SPSB4: variants seen among roughly 807,000 people sequenced by gnomAD.
The protein encoded by SPSB4 is splA/ryanodine receptor domain and SOCS box containing 4.
SPSB4 carries 21 observed loss-of-function variants against 20.9 expected under a neutral mutation model. That is an observed-to-expected ratio of 1.01 (90% CI 0.71 to 1.45). SPSB4 has a LOEUF of 1.45. Ranked by LOEUF, SPSB4 falls within the 40% of genes most tolerant of loss-of-function variation. SPSB4 has a pLI of 0.00. For missense variants in SPSB4, 399 were observed against 399.2 expected (o/e 1.00, Z 0.00); for synonymous variants, 207 against 183.8 (o/e 1.13, Z -1.02).
intron 1 of SPSB4, among the ~76,000 whole-genome samples, chr3:141,056,708 CT>C (rs1213256666): frequency 1.3e-5 from 2 of 152,284 alleles, no homozygotes; most frequent in Admixed American, 1.3e-4. Flanking sequence ...TTCCCATCTT[CT>C]CCCTTCATGC....
chr3:141,075,567 T>G lies in SPSB4; in HGVS notation c.694+8769T>G, dbSNP rs145709339. 6.1e-3 allele frequency among the ~76,000 whole-genome samples: 922 copies of G among 152,246 alleles called. 13 individuals carry two copies. The highest frequency in any genetic ancestry group is 0.021 in the African/African-American group (879 of 41,530). ...TGTGCATTCAAGCCACCTGGTGACC[T>G]TCTTAAAATGCTGATTCTGACTTAG... On this transcript the variant is annotated intron_variant, in intron 2 of 2. Coordinates refer to ENST00000310546, the MANE Select transcript of SPSB4 (RefSeq NM_080862.3).
At chr3:141,133,800 T>C (rs1268545163) in intron 2 of SPSB4, among the ~76,000 whole-genome samples, 1 of 152,146 alleles carries the variant, frequency 6.6e-6, no homozygotes, top group Non-Finnish European at 1.5e-5. Flanking sequence ...ATTTTAGGAT[T>C]GTTTTCTCTT....
intron 2 of SPSB4, among the ~76,000 whole-genome samples, chr3:141,111,303 T>C (rs4683559): frequency 0.26 from 39,541 of 150,496 alleles, 6,593 homozygotes; most frequent in African/African-American, 0.45. Context: ...CCGCTGGGGA[T>C]GTTATACCAT....
chr3:141,147,372 C>T lies in SPSB4; in HGVS notation c.*103C>T. On this transcript the variant is annotated 3_prime_UTR_variant, in exon 3 of 3. Coordinates refer to ENST00000310546, the MANE Select transcript of SPSB4 (RefSeq NM_080862.3). ...CATAGGGGAAAGGATCTACCCTTCT[C>T]CTGGCTCCCCAGGACACTCAGTTCT... 1 of 1,543,896 alleles carries T rather than the reference C, an allele frequency of 6.5e-7. No homozygotes were observed. Among genetic ancestry groups the T allele is most frequent in the East Asian group, 2.3e-5 (1 of 44,070 alleles).
In SPSB4 at chr3:141,066,402, TG is replaced by T; in HGVS notation, c.300del (p.Trp100CysfsTer15). The T allele has an allele frequency of 6.5e-7, 1 of 1,535,892 alleles. No individual in the cohort carries two copies. Among genetic ancestry groups the T allele is most frequent in the Non-Finnish European group, 8.8e-7 (1 of 1,142,242 alleles). Reference protein sequence around the residue: ...KVGHARGLHAWQINWPARQRG... With the variant: ...KVGHARGLHAXQINWPARQRG... ...GGGCCACGCCCGCGGCCTGCACGCC[TG>T]GCAGATCAACTGGCCGGCTCGGCAG... On this transcript the variant is annotated frameshift_variant, in exon 2 of 3. Coordinates refer to ENST00000310546, the MANE Select transcript of SPSB4 (RefSeq NM_080862.3). LOFTEE classifies it high-confidence loss of function.
intron 2 of SPSB4, among the ~76,000 whole-genome samples, chr3:141,095,925 T>C (rs2107793779): frequency 6.6e-6 from 1 of 152,148 alleles, no homozygotes; most frequent in African/African-American, 2.4e-5. Context: ...TCCTCATCCA[T>C]CCTTCTTACA....
rs550559751 is a variant in SPSB4 at position 141,075,076 on chromosome 3, C to T, written c.694+8278C>T. ...GAACTAAAACCCAGGCCTCCAATCC[C>T]CCTTGAAAATGTTCCCCATCAGAAA... On this transcript the variant is annotated intron_variant, in intron 2 of 2. Transcript: ENST00000310546. 2.0e-5 allele frequency among the ~76,000 whole-genome samples: 3 copies of T among 151,828 alleles called. No individual in the cohort carries two copies. In the South Asian group the frequency reaches 6.2e-4, roughly 32 times the overall value.
intron 2 of SPSB4, among the ~76,000 whole-genome samples, chr3:141,123,166 C>T (rs1938996315): frequency 6.6e-6 from 1 of 152,218 alleles, no homozygotes; most frequent in Non-Finnish European, 1.5e-5. Flanking sequence ...TTGTAATACA[C>T]TGTCATCTTT....
intron 2 of SPSB4, among the ~76,000 whole-genome samples, chr3:141,141,475 C>T (rs560154761): frequency 1.3e-5 from 2 of 152,228 alleles, no homozygotes; most frequent in South Asian, 2.1e-4. Context: ...CTTGGCTCCA[C>T]CCCCCCAGTT....
intron 2 of SPSB4, among the ~76,000 whole-genome samples, chr3:141,078,983 C>G (rs569779798): frequency 2.6e-5 from 4 of 152,150 alleles, no homozygotes; most frequent in Non-Finnish European, 5.9e-5. Flanking sequence ...CATTTGGGGC[C>G]GGGCACGGTG....
intron 2 of SPSB4, among the ~76,000 whole-genome samples, chr3:141,120,621 A>T (rs770236570): frequency 2.0e-5 from 3 of 152,140 alleles, no homozygotes; most frequent in Non-Finnish European, 4.4e-5. Flanking sequence ...TATATTTAGG[A>T]TAGTTAGTTC....
intron 1 of SPSB4, among the ~76,000 whole-genome samples, chr3:141,065,002 A>G (rs1175248529): frequency 6.6e-6 from 1 of 152,216 alleles, no homozygotes; most frequent in African/African-American, 2.4e-5. Context: ...AGAGCCAGAG[A>G]GGAAAACCTG....
chr3:141,077,148 T>C (rs1286242158), intron 2 of SPSB4: 1 of 152,270 alleles, frequency 6.6e-6, no homozygotes, highest in Admixed American at 6.5e-5. Context: ...AAGCAAAGGC[T>C]GTGCCGCTTA....
At chr3:141,143,683 C>G (rs1238393603) in intron 2 of SPSB4, among the ~76,000 whole-genome samples, 2 of 152,250 alleles carry the variant, frequency 1.3e-5, no homozygotes, top group Non-Finnish European at 2.9e-5. Flanking sequence ...ACTCCTGTTT[C>G]TCCTTCCTTG....
At chr3:141,132,012 C>A (rs1261272009) in intron 2 of SPSB4, among the ~76,000 whole-genome samples, 1 of 151,714 alleles carries the variant, frequency 6.6e-6, no homozygotes, top group African/African-American at 2.4e-5. Flanking sequence ...TTCCTAATTT[C>A]AAGTTTTTGG....
At chr3:141,088,628 C>T (rs1044594363) in intron 2 of SPSB4, among the ~76,000 whole-genome samples, 2 of 152,184 alleles carry the variant, frequency 1.3e-5, no homozygotes, top group African/African-American at 4.8e-5. Flanking sequence ...CTCAATGACT[C>T]GGAGACAGGA....
chr3:141,092,402 A>G (rs1380107349), intron 2 of SPSB4, among the ~76,000 whole-genome samples: 1 of 152,232 alleles, frequency 6.6e-6, no homozygotes, highest in Non-Finnish European at 1.5e-5. Flanking sequence ...TTCACTAACC[A>G]TATCTACCAT....
At chr3:141,134,070 T>C (rs1939186928) in intron 2 of SPSB4, among the ~76,000 whole-genome samples, 1 of 145,046 alleles carries the variant, frequency 6.9e-6, no homozygotes, top group African/African-American at 2.5e-5. Flanking sequence ...TTTTTTTTTT[T>C]TTTTTGCAGC....
chr3:141,075,892 C>CAAAAAAAAAAAAA (rs532646509), intron 2 of SPSB4, among the ~76,000 whole-genome samples: 5 of 68,840 alleles, frequency 7.3e-5, no homozygotes, highest in East Asian at 5.1e-4. Flanking sequence ...ACTAAAAATA[C>CAAAAAAAAAAAAA]AAAAAAAAAA....
Sources: gnomAD v4.1 joint callset for allele counts (sites outside exome capture counted in the v4.1 genomes callset) on GRCh38, gnomAD v4.1.1 for gene constraint, MANE v1.5 for transcripts, NCBI Gene and HGNC (gene_info 2026-07-23, HGNC 2026-07-21) for gene names.